Variants in DOCK4 observed in about 807,000 individuals in gnomAD.
The protein encoded by DOCK4 is dedicator of cytokinesis 4.
Under a neutral mutation model 268.1 loss-of-function variants are expected in DOCK4, and 97 were observed. The ratio of observed to expected loss-of-function variants is 0.36; its 90% CI spans 0.31 to 0.43. The LOEUF (loss-of-function observed/expected upper bound fraction) is 0.43, where lower values mean the gene tolerates loss of function less well. Among genes scored for constraint, DOCK4 ranks in the 20% least tolerant of loss-of-function variants. The pLI, the probability that DOCK4 is intolerant of heterozygous loss-of-function variation, is 1.00. For synonymous variants in DOCK4, 954 were observed against 887.2 expected, an observed-to-expected ratio of 1.08 and a Z score of -1.34; for missense variants, 2,145 against 2,455.7, an observed-to-expected ratio of 0.87 and a Z score of 2.67.
rs144429113 is a variant in DOCK4, at chr7:111,900,441, C to A, written c.1413G>T (p.Leu471=). The part of the protein sequence containing the change: ...HNNSPRWSEL[L]KLPIPVDKFR... ...ATTTATCCACAGGAATGGGAAGTTTCAGCAGTTCAGACCACCTGGGACTGT... is the reference window on the plus strand; with the variant it reads ...ATTTATCCACAGGAATGGGAAGTTTAAGCAGTTCAGACCACCTGGGACTGT... The change falls in exon 15 of 53, where the codon CTG becomes CTT. Residue 471 remains leucine (L), a synonymous_variant. Transcript: ENST00000428084. The A allele has an allele frequency of 7.1e-5, 114 of 1,613,368 alleles. No individual in the cohort carries two copies. In the African/African-American group the frequency reaches 8.8e-4, roughly 12 times the overall value.
At chr7:112,082,132 G>A (rs905530588) in intron 1 of DOCK4, among the ~76,000 whole-genome samples, 3 of 152,198 alleles carry the variant, frequency 2.0e-5, no homozygotes, top group African/African-American at 4.8e-5. Flanking sequence ...TAAATGGTAG[G>A]AAGGGTAGAT....
chr7:111,984,275 A>T, intron 7 of DOCK4, 31 bp downstream of exon 7: 1 of 1,582,286 alleles, frequency 6.3e-7, no homozygotes, highest in Non-Finnish European at 8.6e-7. Flanking sequence ...AATTAGCAGG[A>T]AGACTGGAAG....
intron 1 of DOCK4, among the ~76,000 whole-genome samples, chr7:112,156,971 TTTTAA>T (rs1297742364): frequency 2.6e-5 from 2 of 78,352 alleles, no homozygotes; most frequent in Non-Finnish European, 5.2e-5. Flanking sequence ...TATAGCTTGA[TTTTAA>T]AAGTTAACAT....
chr7:112,164,185 T>C (rs1323147798), intron 1 of DOCK4, among the ~76,000 whole-genome samples: 1 of 152,032 alleles, frequency 6.6e-6, no homozygotes, highest in African/African-American at 2.4e-5. Flanking sequence ...GGTGGGAGAA[T>C]TGCTTGAGCC....
chr7:111,989,045 T>C lies in DOCK4; in HGVS notation c.434A>G (p.His145Arg), dbSNP rs1799282463. ...THDRMKDVKRHITARLDWGNE... is the reference protein window; with the variant it reads ...THDRMKDVKRRITARLDWGNE... ...GCCCCAGTCAAGCCGGGCAGTAATG[T>C]GGCGCTTCACGTCCTTCATCCGGTC... Residue 145 changes from histidine (H) to arginine (R), a missense_variant, in exon 6 of 53, where the codon CAC (histidine) becomes CGC (arginine). By Grantham distance (29) the His-to-Arg change is conservative. Around this residue, in one of 2 missense-constraint regions of DOCK4, gnomAD observed 1,598 missense variants for 1,986.7 expected, o/e 0.80. Coordinates refer to ENST00000428084, the MANE Select transcript of DOCK4 (RefSeq NM_001363540.2). 6.2e-7 allele frequency: 1 copy of C among 1,613,718 alleles called. No individual in the cohort carries two copies. The highest frequency in any genetic ancestry group is 8.5e-7 in the Non-Finnish European group (1 of 1,179,732).
chr7:111,955,807 T>C (rs963981463), intron 8 of DOCK4, among the ~76,000 whole-genome samples: 6 of 152,222 alleles, frequency 3.9e-5, no homozygotes, highest in Admixed American at 6.5e-5. Flanking sequence ...GAAATGATTT[T>C]GACTGACTGT....
At chr7:111,949,059 C>A in intron 8 of DOCK4, among the ~76,000 whole-genome samples, 1 of 152,132 alleles carries the variant, frequency 6.6e-6, no homozygotes, top group East Asian at 1.9e-4. Flanking sequence ...AATCAGTTAC[C>A]TACTAATGTA....
chr7:112,179,517 TG>T (rs764578673), intron 1 of DOCK4, among the ~76,000 whole-genome samples: 12 of 131,110 alleles, frequency 9.2e-5, no homozygotes, highest in South Asian at 4.3e-4. Context: ...CAAAAGGTGT[TG>T]TTTTTTTGTT....
chr7:111,733,369 C>T (rs915176413), intron 51 of DOCK4, among the ~76,000 whole-genome samples: 1 of 152,206 alleles, frequency 6.6e-6, no homozygotes, highest in Non-Finnish European at 1.5e-5. Context: ...AGTGAGAGTG[C>T]TCCATGATCA....
At position 112,143,268 on chromosome 7, in the gene DOCK4, G is replaced by T. The variant is rs561685513; in HGVS notation, c.37+62834C>A. 5.9e-5 allele frequency among the ~76,000 whole-genome samples: 9 copies of T among 152,212 alleles called. No individual in the cohort carries two copies. The South Asian group carries it at 1.9e-3, about 32-fold the overall frequency. On this transcript the variant is annotated intron_variant, in intron 1 of 52. Coordinates refer to ENST00000428084, the MANE Select transcript of DOCK4 (RefSeq NM_001363540.2). ...CGAGACCTCCACAGCAGTGGAAACA[G>T]GAAAAGGCTAGCTCCAGGGCCCTCC... is the stretch of plus-strand genomic sequence containing the variant.
At chr7:111,917,341 A>G (rs556765857) in intron 12 of DOCK4, among the ~76,000 whole-genome samples, 2 of 152,104 alleles carry the variant, frequency 1.3e-5, no homozygotes, top group African/African-American at 2.4e-5. Flanking sequence ...TTACTATATT[A>G]GTGATAGAAA....
intron 7 of DOCK4, among the ~76,000 whole-genome samples, chr7:111,983,856 G>GCACACACACACACACACACACACA (rs1454832356): frequency 1.6e-4 from 15 of 92,002 alleles, no homozygotes; most frequent in African/African-American, 5.5e-4. Flanking sequence ...GCGCGCGCGC[G>GCACACACACACACACACACACACA]CGCGCGCACA....
At chr7:112,042,722 G>T (rs186568279) in intron 1 of DOCK4, among the ~76,000 whole-genome samples, 2 of 152,272 alleles carry the variant, frequency 1.3e-5, no homozygotes, top group Admixed American at 1.3e-4. Context: ...AGCATGTCGG[G>T]CAGTGCTATG....
intron 1 of DOCK4, among the ~76,000 whole-genome samples, chr7:112,066,703 A>ATGTATGTGTGTG (rs1249508609): frequency 1.6e-4 from 8 of 51,082 alleles, no homozygotes; most frequent in African/African-American, 5.0e-4. Context: ...ATATATATAT[A>ATGTATGTGTGTG]TATATATATA....
At chr7:111,728,762 A>G in intron 52 of DOCK4, 42 bp from the exon 53 acceptor site, 4 of 1,542,182 alleles carry the variant, frequency 2.6e-6, no homozygotes, top group Non-Finnish European at 3.5e-6. Flanking sequence ...CACAGCATTG[A>G]GTCGTGAACG....
chr7:112,066,287 T>C (rs1806922797), intron 1 of DOCK4, among the ~76,000 whole-genome samples: 1 of 152,010 alleles, frequency 6.6e-6, no homozygotes, highest in Non-Finnish European at 1.5e-5. Flanking sequence ...CACTCTTCTT[T>C]TACTGTCCTT....
intron 41 of DOCK4, among the ~76,000 whole-genome samples, chr7:111,756,776 G>C (rs1328252458): frequency 1.3e-5 from 2 of 151,986 alleles, no homozygotes; most frequent in African/African-American, 4.8e-5. Flanking sequence ...AAATGGAAGA[G>C]TTTCTTTGAG....
At chr7:112,058,912 T>C (rs1326840005) in intron 1 of DOCK4, among the ~76,000 whole-genome samples, 1 of 152,078 alleles carries the variant, frequency 6.6e-6, no homozygotes, top group African/African-American at 2.4e-5. Flanking sequence ...TCTTGCTAAG[T>C]CATATGTCAA....
chr7:111,768,575 G>A (rs949586069), intron 37 of DOCK4, among the ~76,000 whole-genome samples: 21 of 150,854 alleles, frequency 1.4e-4, no homozygotes, highest in Middle Eastern at 3.4e-3. Flanking sequence ...AAACAATGGC[G>A]GTCAGATTCA....
Sources: gnomAD v4.1 joint callset for allele counts (sites outside exome capture counted in the v4.1 genomes callset) on GRCh38, gnomAD v4.1.1 for gene constraint, gnomAD v4.1.1 regional missense constraint, MANE v1.5 for transcripts, NCBI Gene and HGNC (gene_info 2026-07-23, HGNC 2026-07-21) for gene names.